ABCB7: variants seen among roughly 807,000 people sequenced by gnomAD.
ABCB7 encodes the protein iron-sulfur clusters transporter ABCB7, mitochondrial.
In ABCB7, 7 loss-of-function variants were observed where a neutral mutation model predicts 54.4. That is an observed-to-expected ratio of 0.13 (90% CI 0.07 to 0.24). ABCB7 has a LOEUF of 0.24. Among genes scored for constraint, ABCB7 ranks in the 10% least tolerant of loss-of-function variants. The pLI, the probability that ABCB7 is intolerant of heterozygous loss-of-function variation, is 1.00. For missense variants in ABCB7, 356 were observed against 570.4 expected (o/e 0.62, Z 3.83); for synonymous variants, 218 against 207.1 (o/e 1.05, Z -0.45).
intron 3 of ABCB7, among the ~76,000 whole-genome samples, chrX:75,108,701 T>C (rs1050947957): frequency 6.4e-5 from 7 of 109,820 alleles, no homozygotes; most frequent in Admixed American, 2.9e-4. Context: ...GAAGAAAAAG[T>C]TCGGAAATGA....
At chrX:75,131,871 C>T (rs1230399411) in intron 1 of ABCB7, among the ~76,000 whole-genome samples, 1 of 111,533 alleles carries the variant, frequency 9.0e-6, no homozygotes, top group Non-Finnish European at 1.9e-5. Flanking sequence ...CCAGAGTCAA[C>T]CCATATCCCT....
chrX:75,061,658 G>C (rs1000644197), intron 14 of ABCB7, among the ~76,000 whole-genome samples: 1 of 111,882 alleles, frequency 8.9e-6, no homozygotes, highest in African/African-American at 3.2e-5. Context: ...GAAGGCAATT[G>C]ACAAATGCAT....
At chrX:75,123,567 A>C (rs1350905993) in intron 1 of ABCB7, among the ~76,000 whole-genome samples, 3 of 111,605 alleles carry the variant, frequency 2.7e-5, no homozygotes, top group Admixed American at 9.5e-5. Context: ...AATGCTGTTG[A>C]AATTTTTATA....
chrX:75,063,539 T>C (rs1330882625), intron 13 of ABCB7, among the ~76,000 whole-genome samples: 1 of 110,811 alleles, frequency 9.0e-6, no homozygotes, highest in Non-Finnish European at 1.9e-5. Context: ...CTTCCCCACC[T>C]CACAGGATCA....
intron 4 of ABCB7, among the ~76,000 whole-genome samples, chrX:75,090,490 G>A (rs1297790988): frequency 9.1e-6 from 1 of 109,539 alleles, no homozygotes; most frequent in Admixed American, 9.7e-5. Context: ...AGCAAAAGCA[G>A]CACTTAAAAA....
chrX:75,133,384 G>A (rs934896314), intron 1 of ABCB7, among the ~76,000 whole-genome samples: 4 of 111,927 alleles, frequency 3.6e-5, no homozygotes, highest in African/African-American at 9.7e-5. Flanking sequence ...GGGAGAGAAA[G>A]CAACTTAGAA....
At chrX:75,098,774 A>G (rs2081614172) in intron 4 of ABCB7, among the ~76,000 whole-genome samples, 168 bp downstream of exon 4, 1 of 112,282 alleles carries the variant, frequency 8.9e-6, no homozygotes. Context: ...TAAACAGGAC[A>G]TTACCATATA....
At chrX:75,083,711 A>AAT (rs34534753) in intron 4 of ABCB7, among the ~76,000 whole-genome samples, 15,714 of 105,421 alleles carry the variant, frequency 0.15, 2,478 homozygotes, top group African/African-American at 0.45. Flanking sequence ...TAAAACTACA[A>AAT]ATATATATAT....
intron 3 of ABCB7, among the ~76,000 whole-genome samples, chrX:75,103,997 G>A (rs1465442232): frequency 1.1e-5 from 1 of 91,683 alleles, no homozygotes; most frequent in Non-Finnish European, 2.1e-5. Flanking sequence ...AGGACTTCCA[G>A]TACCATGTTG....
rs777021613 is a variant in ABCB7 at position 75,069,068 on chromosome X, C to T, written c.1598G>A (p.Gly533Asp). Reference sequence around the variant, plus strand: ...CAGGCTCACATCTTGTATATTTTGACCAGCAAGATAAATGCTACCCTTTTG... The same window carrying T: ...CAGGCTCACATCTTGTATATTTTGATCAGCAAGATAAATGCTACCCTTTTG... ...EPQKGSIYLAGQNIQDVSLES... is the reference protein window; with the variant it reads ...EPQKGSIYLADQNIQDVSLES... Residue 533 changes from glycine (G) to aspartate (D), a missense_variant, in exon 12 of 16, where the codon GGT becomes GAT. Around this residue, in one of 2 missense-constraint regions of ABCB7, gnomAD observed 241 missense variants for 470.9 expected, o/e 0.51. Coordinates refer to ENST00000373394, the MANE Select transcript of ABCB7 (RefSeq NM_001271696.3). 3.3e-6 allele frequency: 4 copies of T among 1,207,895 alleles called. No individual in the cohort carries two copies. The South Asian group carries it at 5.3e-5, about 16-fold the overall frequency.
At chrX:75,060,404 A>C in intron 14 of ABCB7, 74 bp from the exon 15 acceptor site, 1 of 822,217 alleles carries the variant, frequency 1.2e-6, no homozygotes. Context: ...AATTAAAATA[A>C]TCATACATTT....
At chrX:75,060,149 A>G in intron 15 of ABCB7, 74 bp downstream of exon 15, 2 of 854,172 alleles carry the variant, frequency 2.3e-6, no homozygotes, top group African/African-American at 2.0e-5. Context: ...GTAAGAAACA[A>G]TATTTAAGCT....
At chrX:75,132,950 C>T (rs2081985539) in intron 1 of ABCB7, among the ~76,000 whole-genome samples, 1 of 111,828 alleles carries the variant, frequency 8.9e-6, no homozygotes, top group South Asian at 3.7e-4. Flanking sequence ...CTAACTACCA[C>T]ACTAGCTCCC....
In ABCB7 at chrX:75,053,436, C is replaced by T; in HGVS notation, c.2193G>A (p.Glu731=). 8.3e-7 allele frequency: 1 copy of T among 1,210,532 alleles called. No homozygotes were observed. Among genetic ancestry groups the T allele is most frequent in the Non-Finnish European group, 1.1e-6 (1 of 894,489 alleles). Residue 731 remains glutamate, a synonymous_variant, in exon 16 of 16, where the codon GAG becomes GAA. Coordinates refer to ENST00000373394, the MANE Select transcript of ABCB7 (RefSeq NM_001271696.3). ...TTTCTTCTTGTAGTTTCTTTCTTTC[C>T]TCCTCTTTGGATATATTTTCTTTCT... The part of the protein sequence containing the change: ...EAKKENISKE[E]ERKKLQEEIV...
intron 1 of ABCB7, among the ~76,000 whole-genome samples, chrX:75,127,041 C>G (rs1441293321): frequency 9.0e-6 from 1 of 111,561 alleles, no homozygotes; most frequent in Non-Finnish European, 1.9e-5. Context: ...AAAGGGACTC[C>G]TCTCTAACTC....
intron 1 of ABCB7, among the ~76,000 whole-genome samples, chrX:75,117,312 G>C (rs1283712114): frequency 9.1e-6 from 1 of 110,437 alleles, no homozygotes; most frequent in Non-Finnish European, 1.9e-5. Context: ...GGAGACCACC[G>C]AAGGGACTAT....
chrX:75,114,886 A>G (rs1301983966), intron 1 of ABCB7, 55 bp from the exon 2 acceptor site: 1 of 931,579 alleles, frequency 1.1e-6, no homozygotes, highest in Non-Finnish European at 1.5e-6. Context: ...CTTAATATTC[A>G]AAGATTATTT....
At chrX:75,104,573 C>T (rs1002833689) in intron 3 of ABCB7, among the ~76,000 whole-genome samples, 1 of 110,468 alleles carries the variant, frequency 9.1e-6, no homozygotes, top group Non-Finnish European at 1.9e-5. Context: ...ACAAACAAAC[C>T]CAAAAACCCC....
intron 3 of ABCB7, among the ~76,000 whole-genome samples, chrX:75,111,985 G>A (rs1318666199): frequency 9.0e-6 from 1 of 111,637 alleles, no homozygotes; most frequent in Non-Finnish European, 1.9e-5. Flanking sequence ...ATGATACTTT[G>A]CAGTTTTAAA....
Sources: allele counts gnomAD v4.1 joint callset (sites outside exome capture counted in the v4.1 genomes callset), GRCh38; gene constraint gnomAD v4.1.1; regional missense constraint gnomAD v4.1.1; transcripts MANE v1.5; gene names NCBI Gene and HGNC (gene_info 2026-07-23, HGNC 2026-07-21).